JMJD1C: variants seen among roughly 807,000 people sequenced by gnomAD.
JMJD1C encodes the protein jumonji domain containing 1C.
A neutral mutation model predicts 245.3 loss-of-function variants in JMJD1C; 31 were observed. The ratio of observed to expected loss-of-function variants is 0.13; its 90% CI spans 0.09 to 0.17. The LOEUF is 0.17. Ranked by LOEUF, JMJD1C falls within the 10% of genes least tolerant of loss-of-function variation. The pLI is 1.00. For missense variants in JMJD1C, 2,691 were observed against 3,000.2 expected (o/e 0.90, Z 2.41); for synonymous variants, 1,057 against 1,017.4 (o/e 1.04, Z -0.74).
intron 24 of JMJD1C, among the ~76,000 whole-genome samples, chr10:63,174,085 C>T (rs1440133074): frequency 6.6e-6 from 1 of 152,154 alleles, no homozygotes; most frequent in African/African-American, 2.4e-5. Context: ...CATAACCCTG[C>T]ACTGGGAAAT....
intron 2 of JMJD1C, among the ~76,000 whole-genome samples, chr10:63,322,658 C>T (rs1414799271): frequency 1.3e-5 from 2 of 151,594 alleles, no homozygotes; most frequent in African/African-American, 2.4e-5. Flanking sequence ...ACTAAAAATA[C>T]AAAAATTAGT....
At chr10:63,392,909 C>CACAT (rs60946505) in intron 1 of JMJD1C, among the ~76,000 whole-genome samples, 2 of 144,940 alleles carry the variant, frequency 1.4e-5, no homozygotes, top group African/African-American at 5.2e-5. Flanking sequence ...CACACACACA[C>CACAT]GTGAGCAAAG....
At position 63,190,905 on chromosome 10, in the gene JMJD1C, T is replaced by C. The variant is rs762875350; in HGVS notation, c.6280A>G (p.Met2094Val). ...CTGGCATCACTCACTGGGGCTCCCA[T>C]TGAATATACTGGGGCAAAGGCAATG... The part of the protein sequence containing the change: ...AGIAFAPVYS[M>V]GAPSSKSGRT... Residue 2094 changes from methionine to valine, a missense_variant, in exon 17 of 26, where the codon ATG becomes GTG. Transcript: ENST00000399262. 3.2e-5 allele frequency: 52 copies of C among 1,613,492 alleles called. No individual in the cohort carries two copies. Among genetic ancestry groups the C allele is most frequent in the African/African-American group, 4.0e-5 (3 of 74,906 alleles).
At chr10:63,361,259 C>T (rs552467472) in intron 2 of JMJD1C, among the ~76,000 whole-genome samples, 3 of 152,208 alleles carry the variant, frequency 2.0e-5, no homozygotes, top group Admixed American at 2.0e-4. Context: ...CCTGTCTCTA[C>T]TAAAAATACA....
At chr10:63,322,078 G>C (rs192419358) in intron 2 of JMJD1C, among the ~76,000 whole-genome samples, 2 of 152,304 alleles carry the variant, frequency 1.3e-5, no homozygotes, top group East Asian at 3.9e-4. Flanking sequence ...AGTATATTAA[G>C]AGGATTTTCC....
Position 63,308,467 on chromosome 10 carries a change from C to T in JMJD1C, c.334-43703G>A, listed in dbSNP as rs577896292. Among the ~76,000 whole-genome samples the T allele has an allele frequency of 4.6e-5, 7 of 151,696 alleles. No homozygotes were observed. In the East Asian group the frequency reaches 9.7e-4, roughly 21 times the overall value. ...AAAGCCTCTAAATTTAAAGGGTCCA[C>T]GAACAAAGACAGAGACAAAAGAATA... On this transcript the variant is annotated intron_variant, in intron 2 of 25. Transcript: ENST00000399262.
chr10:63,386,421 G>A (rs1442878371), intron 1 of JMJD1C, among the ~76,000 whole-genome samples: 1 of 152,162 alleles, frequency 6.6e-6, no homozygotes, highest in Non-Finnish European at 1.5e-5. Context: ...GGTAGTCTGG[G>A]GATCATGCCA....
intron 1 of JMJD1C, among the ~76,000 whole-genome samples, chr10:63,445,528 A>G (rs1377683200): frequency 6.6e-6 from 1 of 152,182 alleles, no homozygotes; most frequent in African/African-American, 2.4e-5. Flanking sequence ...GTAATAGAAG[A>G]TAATGTCGAT....
chr10:63,498,923 T>C (rs760475403), intron 1 of JMJD1C, among the ~76,000 whole-genome samples: 9 of 152,230 alleles, frequency 5.9e-5, no homozygotes, highest in African/African-American at 1.2e-4. Flanking sequence ...TTCTACCCTC[T>C]GCTACTATGA....
chr10:63,369,009 T>TA (rs1946080697), intron 2 of JMJD1C, among the ~76,000 whole-genome samples: 1 of 152,174 alleles, frequency 6.6e-6, no homozygotes, highest in Admixed American at 6.5e-5. Flanking sequence ...GAAATTTAGT[T>TA]AAAGCCTCCT....
intron 2 of JMJD1C, among the ~76,000 whole-genome samples, chr10:63,283,974 G>A (rs545736326): frequency 2.0e-5 from 3 of 151,934 alleles, no homozygotes; most frequent in South Asian, 4.2e-4. Flanking sequence ...TAAAATGTCT[G>A]TGTACTTTGC....
chr10:63,187,564 A>C (rs1008517716), intron 18 of JMJD1C, among the ~76,000 whole-genome samples: 1 of 152,078 alleles, frequency 6.6e-6, no homozygotes, highest in African/African-American at 2.4e-5. Context: ...CAGCCTCCCA[A>C]GTAGCTGGGA....
Position 63,408,711 on chromosome 10 carries a change from TG to T in JMJD1C, c.169-28230del, listed in dbSNP as rs1284211646. Among the ~76,000 whole-genome samples the T allele has an allele frequency of 7.4e-5, 11 of 149,358 alleles. No individual in the cohort carries two copies. In the Admixed American group the frequency reaches 7.4e-4, roughly 10 times the overall value. ...CATCAAGTATATCCTAAATGTAGGGTGGTTTTTTTTTTTTTAAAGGAGTAAG... is the reference window on the plus strand; with the variant it reads ...CATCAAGTATATCCTAAATGTAGGGTGTTTTTTTTTTTTTAAAGGAGTAAG... On this transcript the variant is annotated intron_variant, in intron 1 of 25. Transcript: ENST00000399262.
intron 24 of JMJD1C, among the ~76,000 whole-genome samples, chr10:63,175,637 C>T (rs1185020677): frequency 2.6e-5 from 4 of 152,184 alleles, no homozygotes; most frequent in Non-Finnish European, 4.4e-5. Context: ...GGAGAACCAA[C>T]TGTTGAGGCA....
chr10:63,488,535 G>T (rs1331677665), intron 1 of JMJD1C, among the ~76,000 whole-genome samples: 2 of 56,898 alleles, frequency 3.5e-5, no homozygotes, highest in Admixed American at 2.5e-4. Flanking sequence ...AGTTGAAAAT[G>T]AATGTTAAAA....
rs759465400 is a variant in JMJD1C, at chr10:63,465,663, A to G, written c.-1T>C. ...GCTCTGCCCGCGTCTCTACCGCCAT[A>G]GCTGTCGCTGCCGAAGCGGCCGCTG... On this transcript the variant is annotated 5_prime_UTR_variant, in exon 1 of 26. Coordinates refer to ENST00000399262, the MANE Select transcript of JMJD1C (RefSeq NM_032776.3). 2.1e-5 allele frequency: 34 copies of G among 1,608,186 alleles called. No homozygotes were observed. Among genetic ancestry groups the G allele is most frequent in the East Asian group, 4.5e-5 (2 of 44,878 alleles).
intron 2 of JMJD1C, among the ~76,000 whole-genome samples, chr10:63,359,653 T>C (rs1945156182): frequency 6.6e-6 from 1 of 152,212 alleles, no homozygotes; most frequent in African/African-American, 2.4e-5. Flanking sequence ...TTAATCTAGT[T>C]GAAATGTTTC....
intron 2 of JMJD1C, among the ~76,000 whole-genome samples, chr10:63,289,750 C>T (rs1858419488): frequency 6.6e-6 from 1 of 151,982 alleles, no homozygotes; most frequent in African/African-American, 2.4e-5. Context: ...TTTTTTAAAA[C>T]ACAGTTTTCA....
chr10:63,225,254 T>C (rs1849122041), intron 3 of JMJD1C, among the ~76,000 whole-genome samples: 2 of 152,146 alleles, frequency 1.3e-5, no homozygotes, highest in Non-Finnish European at 2.9e-5. Flanking sequence ...ATGTAAACTG[T>C]ATCCTATTTG....
Sources: gnomAD v4.1 joint callset for allele counts (sites outside exome capture counted in the v4.1 genomes callset) on GRCh38, gnomAD v4.1.1 for gene constraint, MANE v1.5 for transcripts, NCBI Gene and HGNC (gene_info 2026-07-23, HGNC 2026-07-21) for gene names.